The following GLIS2 variants were observed in gnomAD, a reference collection of about 807,000 sequenced individuals.
The protein encoded by GLIS2 is GLIS family zinc finger 2.
GLIS2 carries 14 observed loss-of-function variants against 35.6 expected under a neutral mutation model. That is an observed-to-expected ratio of 0.39 (90% CI 0.26 to 0.61). The LOEUF (loss-of-function observed/expected upper bound fraction) is 0.61, where lower values mean the gene tolerates loss of function less well. Ranked by LOEUF, GLIS2 falls within the 20% of genes least tolerant of loss-of-function variation. The pLI, the probability that GLIS2 is intolerant of heterozygous loss-of-function variation, is 0.48. For synonymous variants in GLIS2, 368 were observed against 325.1 expected (o/e 1.13, Z -1.42); for missense variants, 675 against 713.4 (o/e 0.95, Z 0.61).
intron 1 of GLIS2, among the ~76,000 whole-genome samples, chr16:4,327,787 C>G (rs1013779997): frequency 2.0e-5 from 3 of 150,994 alleles, no homozygotes; most frequent in Non-Finnish European, 4.4e-5. Flanking sequence ...CGCGCTTCCT[C>G]CCTCGCCGCA....
Position 4,337,689 on chromosome 16 carries a change from C to A in GLIS2, c.*165C>A. On this transcript the variant is annotated 3_prime_UTR_variant, in exon 7 of 7. Transcript: ENST00000433375. Reference sequence around the variant, plus strand: ...GCTAGGTCATTCATGGCTGGCCTCCCAGCCCCCGGGTGGGGACCTGGCCTG... The same window carrying A: ...GCTAGGTCATTCATGGCTGGCCTCCAAGCCCCCGGGTGGGGACCTGGCCTG... 2 of 1,025,866 alleles carry A rather than the reference C, an allele frequency of 1.9e-6. No homozygotes were observed. The highest frequency in any genetic ancestry group is 3.1e-4 in the Middle Eastern group (1 of 3,246). 63.5% of individuals were successfully genotyped at this position (1,025,866 alleles called of 1,614,324 possible). A position where few individuals can be genotyped will look rare whatever the true frequency, so the allele number is the denominator to read the frequency against.
chr16:4,326,688 C>T (rs1362016327), intron 1 of GLIS2, among the ~76,000 whole-genome samples: 1 of 151,722 alleles, frequency 6.6e-6, no homozygotes, highest in Non-Finnish European at 1.5e-5. Context: ...TCCCCAGGCT[C>T]AGGCGATCCT....
rs894191035 is a variant in GLIS2, at chr16:4,337,821, C to T, written c.*297C>T. The T allele has an allele frequency of 2.5e-5, 14 of 551,114 alleles. No homozygotes were observed. Among genetic ancestry groups the T allele is most frequent in the Non-Finnish European group, 4.3e-5 (13 of 304,988 alleles). The allele number at this position is 551,114 out of a possible 1,614,324, so 34.1% of individuals were successfully genotyped here. The stretch of plus-strand genomic sequence containing the variant: ...GGCTTTCCCCTGCCCGACCTCCTCC[C>T]GTTTCCCTCTCCCACCCTGGCACCT... On this transcript the variant is annotated 3_prime_UTR_variant, in exon 7 of 7. Coordinates refer to ENST00000433375, the MANE Select transcript of GLIS2 (RefSeq NM_032575.3).
chr16:4,326,414 C>T (rs143404676), intron 1 of GLIS2: 1 of 152,350 alleles, frequency 6.6e-6, no homozygotes, highest in Non-Finnish European at 1.5e-5. Flanking sequence ...ACAACACTGC[C>T]ACGCTGGTCA....
At chr16:4,317,264 C>T (rs899753366) in intron 1 of GLIS2, among the ~76,000 whole-genome samples, 1 of 152,174 alleles carries the variant, frequency 6.6e-6, no homozygotes, top group Non-Finnish European at 1.5e-5. Context: ...ACGCTTGACA[C>T]TGAGGGGGCA....
At chr16:4,333,794 ATC>A (rs1465272128) in intron 3 of GLIS2, among the ~76,000 whole-genome samples, 1 of 151,824 alleles carries the variant, frequency 6.6e-6, no homozygotes, top group Non-Finnish European at 1.5e-5. Flanking sequence ...CTGTGTCCGA[ATC>A]TCTCTCTGGT....
At position 4,337,098 on chromosome 16, in the gene GLIS2, C is replaced by T. The variant is rs777458149; in HGVS notation, c.1149C>T (p.Ala383=). 1 of 1,536,686 alleles carries T rather than the reference C, an allele frequency of 6.5e-7. No individual in the cohort carries two copies. Among genetic ancestry groups the T allele is most frequent in the South Asian group, 1.2e-5 (1 of 83,876 alleles). The change falls in exon 7 of 7, where the codon GCC becomes GCT. Residue 383 remains alanine (A), a synonymous_variant. Coordinates refer to ENST00000433375, the MANE Select transcript of GLIS2 (RefSeq NM_032575.3). ...PLAPGPLDLS[A]LACGNGGGSG... ...CCCCCGGCCCCCTTGACCTCAGTGCCCTGGCCTGTGGCAACGGTGGGGGCA... is the reference window on the plus strand; with the variant it reads ...CCCCCGGCCCCCTTGACCTCAGTGCTCTGGCCTGTGGCAACGGTGGGGGCA...
At position 4,332,509 on chromosome 16, in the gene GLIS2, G is replaced by A; in HGVS notation, c.172+57G>A. On this transcript the variant is annotated intron_variant, in intron 2 of 6. Coordinates refer to ENST00000433375, the MANE Select transcript of GLIS2 (RefSeq NM_032575.3). The surrounding 1 kb of genome is among the most constrained non-coding windows in gnomAD (Gnocchi z 5.4). ...GCCCTGATCCAGTCATGGTGACAGG[G>A]AGAATGGCCAAGTGTGTCCACCAGC... is the stretch of plus-strand genomic sequence containing the variant. 6.3e-7 allele frequency: 1 copy of A among 1,582,304 alleles called. No homozygotes were observed. The highest frequency in any genetic ancestry group is 2.3e-5 in the East Asian group (1 of 44,106).
Position 4,336,786 on chromosome 16 carries a change from C to T in GLIS2, c.837C>T (p.Asp279=). 3 of 1,611,406 alleles carry T rather than the reference C, an allele frequency of 1.9e-6. No individual in the cohort carries two copies. Among genetic ancestry groups the T allele is most frequent in the Non-Finnish European group, 2.5e-6 (3 of 1,179,030 alleles). ...ACAAGCGCTATTCCAACTCCAGTGA[C>T]CGCTTTAAGCACACGCGCACCCACT... ...GCNKRYSNSS[D]RFKHTRTHYV... is the part of the protein sequence containing the mutation. Residue 279 remains aspartate, a synonymous_variant, in exon 7 of 7, where the codon GAC becomes GAT. Transcript: ENST00000433375.
Position 4,337,356 on chromosome 16 carries a change from G to T in GLIS2, c.1407G>T (p.Glu469Asp). The change falls in exon 7 of 7, where the codon GAG (glutamate) becomes GAT (aspartate). Residue 469 changes from glutamate (E) to aspartate (D), a missense_variant. Physicochemically the swap from Glu to Asp is conservative, Grantham distance 45. Around this residue, in one of 3 missense-constraint regions of GLIS2, gnomAD observed 317 missense variants for 283.2 expected, o/e 1.12. Transcript: ENST00000433375. ...EGHKTPLERT[E>D]SSCSRPSPDG... is the part of the protein sequence containing the mutation. ...ACAAGACGCCCCTTGAAAGGACGGA[G>T]AGCAGCTGCTCCCGGCCAAGCCCCG... The T allele has an allele frequency of 6.3e-7, 1 of 1,593,122 alleles. No homozygotes were observed. Among genetic ancestry groups the T allele is most frequent in the Non-Finnish European group, 8.5e-7 (1 of 1,171,608 alleles).
At chr16:4,318,984 T>G (rs937430827) in intron 1 of GLIS2, among the ~76,000 whole-genome samples, 1 of 152,092 alleles carries the variant, frequency 6.6e-6, no homozygotes. Context: ...GTGGGGCATC[T>G]TGGGGGGGCT....
upstream of GLIS2, chr16:4,315,184 T>C (rs546543035): frequency 1.9e-4 from 29 of 152,272 alleles, no homozygotes; most frequent in East Asian, 5.4e-3. Context: ...GAAGCTCGGA[T>C]TGCTCGGCAT....
chr16:4,317,073 G>C (rs1453477874), intron 1 of GLIS2, among the ~76,000 whole-genome samples: 1 of 152,200 alleles, frequency 6.6e-6, no homozygotes, highest in Non-Finnish European at 1.5e-5. Context: ...CCACAGCAGG[G>C]CAGCGTGCAG....
chr16:4,333,546 G>C (rs2053519670), intron 3 of GLIS2, 27 bp downstream of exon 3: 2 of 1,595,970 alleles, frequency 1.3e-6, no homozygotes, highest in Non-Finnish European at 1.7e-6. Flanking sequence ...GTTCCGGAGA[G>C]AGGGGTGGAC....
At position 4,335,415 on chromosome 16, in the gene GLIS2, G is replaced by A. The variant is rs200437680; in HGVS notation, c.775+22G>A. 959 of 1,610,726 alleles carry A rather than the reference G, an allele frequency of 6.0e-4. 6 individuals carry two copies. In the African/African-American group the frequency reaches 8.3e-3, roughly 14 times the overall value. On this transcript the variant is annotated intron_variant, in intron 6 of 6. Transcript: ENST00000433375. This position sits in a 1 kb window ranked among gnomAD's most constrained non-coding sequence, Gnocchi z 4.6. Reference sequence around the variant, plus strand: ...ACAGGTAAGAGGCCGGGGCCGGGCGGCTTGGCCCATGAAGGGGGCGCTCAG... The same window carrying A: ...ACAGGTAAGAGGCCGGGGCCGGGCGACTTGGCCCATGAAGGGGGCGCTCAG...
intron 1 of GLIS2, among the ~76,000 whole-genome samples, chr16:4,323,173 G>T (rs919913488): frequency 2.0e-5 from 3 of 152,144 alleles, no homozygotes; most frequent in Non-Finnish European, 2.9e-5. Flanking sequence ...TGGCAGTGCC[G>T]CCTGGCAGGG....
At chr16:4,336,631 G>T in intron 6 of GLIS2, 94 bp from the exon 7 acceptor site, 1 of 1,254,300 alleles carries the variant, frequency 8.0e-7, no homozygotes, top group Non-Finnish European at 1.1e-6. Flanking sequence ...TGTTCCCAGG[G>T]AGTGCTTGGC....
At chr16:4,333,318 G>A in intron 2 of GLIS2, 29 bp from the exon 3 acceptor site, 1 of 1,611,848 alleles carries the variant, frequency 6.2e-7, no homozygotes, top group East Asian at 2.2e-5. Flanking sequence ...CTACACTCCA[G>A]CACACCCTGA....
At chr16:4,331,790 T>A (rs568484838) in intron 1 of GLIS2, 59 of 176,644 alleles carry the variant, frequency 3.3e-4, no homozygotes, top group Admixed American at 1.5e-3. Flanking sequence ...AAAAAGAAAA[T>A]TTTTTTTTTT....
Sources: gnomAD v4.1 joint callset for allele counts (sites outside exome capture counted in the v4.1 genomes callset) on GRCh38, gnomAD v4.1.1 for gene constraint, gnomAD v4.1.1 regional missense constraint, Gnocchi (gnomAD v3.1) non-coding constraint, MANE v1.5 for transcripts, NCBI Gene and HGNC (gene_info 2026-07-23, HGNC 2026-07-21) for gene names.